PTP4A1: variants seen among roughly 807,000 people sequenced by gnomAD.
The protein encoded by PTP4A1 is protein tyrosine phosphatase 4A1.
A neutral mutation model predicts 20.5 loss-of-function variants in PTP4A1; 9 were observed. That is an observed-to-expected ratio of 0.44 (90% CI 0.26 to 0.77). The LOEUF is 0.77. Among genes scored for constraint, PTP4A1 ranks in the 30% least tolerant of loss-of-function variants. PTP4A1 has a pLI of 0.19. For synonymous variants in PTP4A1, 78 were observed against 67.4 expected (o/e 1.16, Z -0.77); for missense variants, 137 against 218.8 (o/e 0.63, Z 2.36).
upstream of PTP4A1, chr6:63,521,710 A>G (rs1310952552): frequency 6.6e-6 from 1 of 152,212 alleles, no homozygotes; most frequent in Middle Eastern, 3.2e-3. Flanking sequence ...ACTCATTAAC[A>G]GATAGACTTA....
At chr6:63,549,295 T>C (rs550296722) in intron 2 of PTP4A1, 3 of 754,146 alleles carry the variant, frequency 4.0e-6, no homozygotes, top group Non-Finnish European at 2.4e-6. Flanking sequence ...TTCAGCCACT[T>C]ACAGAGGATG....
chr6:63,540,670 G>A (rs1305734445), intron 2 of PTP4A1, among the ~76,000 whole-genome samples: 3 of 151,786 alleles, frequency 2.0e-5, no homozygotes, highest in Admixed American at 1.3e-4. Context: ...AGATGAAAAT[G>A]AGATTTCTAT....
At position 63,572,658 on chromosome 6, in the gene PTP4A1, G is replaced by A; in HGVS notation, c.-507G>A. The A allele has an allele frequency of 2.4e-6, 1 of 411,452 alleles. No individual in the cohort carries two copies. The highest frequency in any genetic ancestry group is 4.2e-6 in the Non-Finnish European group (1 of 236,086). The allele number at this position is 411,452 out of a possible 1,614,324, so 25.5% of individuals were successfully genotyped here. On this transcript the variant is annotated 5_prime_UTR_variant, in exon 1 of 6. Coordinates refer to ENST00000626021, the MANE Select transcript of PTP4A1 (RefSeq NM_003463.5). ...TGCAGCCACCGCCACCGCCTGTGTCGCCGCCGCCTCGGGACCGGCTGTATG... is the reference window on the plus strand; with the variant it reads ...TGCAGCCACCGCCACCGCCTGTGTCACCGCCGCCTCGGGACCGGCTGTATG...
upstream of PTP4A1, among the ~76,000 whole-genome samples, chr6:63,570,131 G>A (rs867208277): frequency 6.6e-6 from 1 of 152,136 alleles, no homozygotes; most frequent in Admixed American, 6.5e-5. Context: ...TTGAGGTCAG[G>A]AGTTCAAAAC....
intron 3 of PTP4A1, among the ~76,000 whole-genome samples, chr6:63,550,969 T>C (rs1173583908): frequency 6.6e-6 from 1 of 152,142 alleles, no homozygotes; most frequent in Non-Finnish European, 1.5e-5. Context: ...TTTGAGAATC[T>C]AATTGTATAT....
intron 3 of PTP4A1, among the ~76,000 whole-genome samples, chr6:63,562,017 T>C (rs1776979553): frequency 6.6e-6 from 1 of 152,086 alleles, no homozygotes; most frequent in Non-Finnish European, 1.5e-5. Context: ...AAATACAAAA[T>C]ATAGGAAGTT....
At chr6:63,562,363 C>A (rs897376437) in intron 3 of PTP4A1, among the ~76,000 whole-genome samples, 2 of 152,028 alleles carry the variant, frequency 1.3e-5, no homozygotes, top group Admixed American at 6.6e-5. Context: ...CCACACCCAG[C>A]TAATTTTGTA....
chr6:63,519,410 C>T (rs1490239481), upstream of PTP4A1, among the ~76,000 whole-genome samples: 2 of 152,164 alleles, frequency 1.3e-5, no homozygotes, highest in Admixed American at 6.5e-5. Flanking sequence ...AAAACACTTC[C>T]TCTTTTCATA....
At chr6:63,529,103 GTGTGTATATATATA>G (rs896189059) in intron 2 of PTP4A1, among the ~76,000 whole-genome samples, 4 of 147,188 alleles carry the variant, frequency 2.7e-5, no homozygotes, top group Admixed American at 6.9e-5. Context: ...ATATATATAT[GTGTGTATATATATA>G]TATGTATATA....
chr6:63,528,934 C>T (rs1775313424), intron 2 of PTP4A1, among the ~76,000 whole-genome samples: 1 of 151,788 alleles, frequency 6.6e-6, no homozygotes, highest in African/African-American at 2.4e-5. Flanking sequence ...GCTAAAAATA[C>T]AAAAATTAGC....
intron 2 of PTP4A1, among the ~76,000 whole-genome samples, chr6:63,530,104 G>A (rs982768128): frequency 2.0e-5 from 3 of 152,046 alleles, no homozygotes; most frequent in Non-Finnish European, 2.9e-5. Flanking sequence ...AAAATGAGCC[G>A]ATAGAAAATC....
chr6:63,557,387 G>A (rs1365424346), intron 3 of PTP4A1, among the ~76,000 whole-genome samples: 1 of 152,116 alleles, frequency 6.6e-6, no homozygotes, highest in African/African-American at 2.4e-5. Flanking sequence ...CCAACATGGT[G>A]AAACCCTGTC....
chr6:63,551,030 T>A (rs995745709), intron 3 of PTP4A1, among the ~76,000 whole-genome samples: 3 of 151,912 alleles, frequency 2.0e-5, no homozygotes, highest in Admixed American at 6.6e-5. Context: ...AGGTTTTTTT[T>A]ATTTATGAAA....
chr6:63,560,144 C>G (rs868499800), intron 3 of PTP4A1, among the ~76,000 whole-genome samples: 2 of 151,910 alleles, frequency 1.3e-5, no homozygotes, highest in Non-Finnish European at 2.9e-5. Context: ...AAAGTACCAG[C>G]CTGGCAAACA....
rs1581953033 is a variant in PTP4A1, at chr6:63,581,368, G to T, written c.*1194G>T. 1 of 152,556 alleles carries T rather than the reference G, an allele frequency of 6.6e-6. No homozygotes were observed. The highest frequency in any genetic ancestry group is 1.5e-5 in the Non-Finnish European group (1 of 67,988). The allele number at this position is 152,556 out of a possible 1,614,324, so 9.5% of individuals were successfully genotyped here. A position where few individuals can be genotyped will look rare whatever the true frequency, so the allele number is the denominator to read the frequency against. On this transcript the variant is annotated 3_prime_UTR_variant, in exon 6 of 6. Coordinates refer to ENST00000626021, the MANE Select transcript of PTP4A1 (RefSeq NM_003463.5). ...GATGTGTGGTTATAGTTCTGTGGGAGAAATAATTTTGTCAGTGTTCACCAG... is the reference window on the plus strand; with the variant it reads ...GATGTGTGGTTATAGTTCTGTGGGATAAATAATTTTGTCAGTGTTCACCAG...
chr6:63,580,243 A>G lies in PTP4A1; in HGVS notation c.*69A>G. 8.0e-7 allele frequency: 1 copy of G among 1,253,198 alleles called. No individual in the cohort carries two copies. The highest frequency in any genetic ancestry group is 1.7e-5 in the Admixed American group (1 of 57,436). The allele number at this position is 1,253,198 out of a possible 1,614,324, so 77.6% of individuals were successfully genotyped here. ...GCCTAATTTGTTATACATATTAGCC[A>G]ACATGTTGGCTTAGTAAGTCTAATG... On this transcript the variant is annotated 3_prime_UTR_variant, in exon 6 of 6. Coordinates refer to ENST00000626021, the MANE Select transcript of PTP4A1 (RefSeq NM_003463.5).
At chr6:63,548,391 G>A (rs898782259) in intron 2 of PTP4A1, among the ~76,000 whole-genome samples, 5 of 152,134 alleles carry the variant, frequency 3.3e-5, no homozygotes, top group Non-Finnish European at 2.9e-5. Context: ...GGCTTAGAAC[G>A]GCACTAGGCA....
At chr6:63,568,627 G>A (rs899154311), upstream of PTP4A1, among the ~76,000 whole-genome samples, 6 of 150,148 alleles carry the variant, frequency 4.0e-5, no homozygotes, top group African/African-American at 1.2e-4. Flanking sequence ...AGACTTGCTC[G>A]ACAAAAAGCT....
intron 2 of PTP4A1, among the ~76,000 whole-genome samples, chr6:63,529,647 A>G (rs1775367341): frequency 6.6e-6 from 1 of 152,218 alleles, no homozygotes; most frequent in South Asian, 2.1e-4. Flanking sequence ...TTGAGCAGCC[A>G]ACCCTGTTTG....
Sources: allele counts gnomAD v4.1 joint callset (sites outside exome capture counted in the v4.1 genomes callset), GRCh38; gene constraint gnomAD v4.1.1; transcripts MANE v1.5; gene names NCBI Gene and HGNC (gene_info 2026-07-23, HGNC 2026-07-21).